Variants in EVC2 observed in about 807,000 individuals in gnomAD.
EVC2 encodes limbin.
A neutral mutation model predicts 149.3 loss-of-function variants in EVC2; 148 were observed. The ratio of observed to expected loss-of-function variants is 0.99; its 90% confidence interval spans 0.87 to 1.14. EVC2 has a LOEUF of 1.14. EVC2 is among the 50% of genes most tolerant of loss of function. The probability of loss-of-function intolerance (pLI) is 0.00; values close to 1 mark genes in which losing one functional copy is unlikely to be tolerated. For missense variants in EVC2, 1,854 were observed against 1,627.3 expected (o/e 1.14, Z -2.40); for synonymous variants, 776 against 649.9 (o/e 1.19, Z -2.95).
In EVC2 at chr4:5,595,130, T is replaced by C. The variant is rs191238107; in HGVS notation, c.2830-10280A>G. The stretch of plus-strand genomic sequence containing the variant: ...ACATGACGGGGAGAATGGAAACAAG[T>C]TGGAAAACACTCTGAAGGATATTAT... On this transcript the variant is annotated intron_variant, in intron 16 of 21. Coordinates refer to ENST00000344408, the MANE Select transcript of EVC2 (RefSeq NM_147127.5). 1.4e-4 allele frequency among the ~76,000 whole-genome samples: 21 copies of C among 152,300 alleles called. No individual in the cohort carries two copies. The East Asian group carries it at 4.1e-3, about 29-fold the overall frequency.
intron 21 of EVC2, 95 bp downstream of exon 21, chr4:5,565,163 C>A: frequency 8.5e-7 from 1 of 1,170,878 alleles, no homozygotes; most frequent in Non-Finnish European, 1.3e-6. Context: ...TTTGCAGCAA[C>A]CTCCTTTCCT....
In EVC2 at chr4:5,681,330, G is replaced by T. The variant is rs371482683; in HGVS notation, c.817-17C>A. On this transcript the variant is annotated splice_polypyrimidine_tract_variant and intron_variant, in intron 6 of 21. Coordinates refer to ENST00000344408, the MANE Select transcript of EVC2 (RefSeq NM_147127.5). Reference sequence around the variant, plus strand: ...TGTTCTGTTCTAGAAAAGGAAAAAAGAAAACACTTTCAGCAACAGTTTGGG... The same window carrying T: ...TGTTCTGTTCTAGAAAAGGAAAAAATAAAACACTTTCAGCAACAGTTTGGG... The T allele has an allele frequency of 1.9e-5, 30 of 1,614,112 alleles. No homozygotes were observed. The African/African-American group carries it at 2.8e-4, about 15-fold the overall frequency.
chr4:5,652,788 T>G (rs1391989375), intron 9 of EVC2, among the ~76,000 whole-genome samples: 1 of 152,144 alleles, frequency 6.6e-6, no homozygotes, highest in Non-Finnish European at 1.5e-5. Context: ...ACCAGAATGA[T>G]TTGAAGATAT....
At chr4:5,585,217 C>T (rs1712170446) in intron 16 of EVC2, among the ~76,000 whole-genome samples, 1 of 152,140 alleles carries the variant, frequency 6.6e-6, no homozygotes, top group African/African-American at 2.4e-5. Context: ...CAAGGTTCCC[C>T]TGGACAGGTC....
chr4:5,541,968 C>T (rs1721522583), downstream of EVC2, among the ~76,000 whole-genome samples: 1 of 152,216 alleles, frequency 6.6e-6, no homozygotes, highest in Admixed American at 6.5e-5. Context: ...GTGATGGCGT[C>T]AGGAGGTGGC....
chr4:5,630,288 G>A (rs938221123), intron 11 of EVC2, among the ~76,000 whole-genome samples: 3 of 152,170 alleles, frequency 2.0e-5, no homozygotes, highest in Non-Finnish European at 4.4e-5. Context: ...CTAGCTGCAG[G>A]TCCCCAGAGG....
chr4:5,539,513 C>T (rs1203510237), downstream of EVC2, among the ~76,000 whole-genome samples: 2 of 152,218 alleles, frequency 1.3e-5, no homozygotes, highest in East Asian at 3.9e-4. Flanking sequence ...ATATATACAT[C>T]TAACACAACC....
intron 16 of EVC2, among the ~76,000 whole-genome samples, chr4:5,609,099 G>A (rs1467758865): frequency 3.3e-5 from 5 of 152,122 alleles, no homozygotes; most frequent in East Asian, 1.9e-4. Context: ...CCAGGTTTGC[G>A]GGTTCTGTAG....
chr4:5,706,321 C>CTTAGATAGATAGATAG (rs1722132097), intron 1 of EVC2, among the ~76,000 whole-genome samples: 2 of 26,508 alleles, frequency 7.5e-5, no homozygotes, highest in African/African-American at 1.6e-4. Flanking sequence ...TAGATAGATA[C>CTTAGATAGATAGATAG]ATAGATAGAT....
At chr4:5,529,972 C>G in the EVC2 span, among the ~76,000 whole-genome samples, 3 of 152,022 alleles carry the variant, frequency 2.0e-5, no homozygotes, top group African/African-American at 7.2e-5. The surrounding 1 kb of genome is among the most constrained non-coding windows in gnomAD (Gnocchi z 4.5). Flanking sequence ...CCCACCACTA[C>G]GCCTGGCTAA....
rs554769771 is a variant in EVC2, at chr4:5,569,231, G to C, written c.3361-591C>G. Among the ~76,000 whole-genome samples the C allele has an allele frequency of 3.1e-4, 47 of 152,334 alleles. No homozygotes were observed. The highest frequency in any genetic ancestry group is 1.1e-3 in the African/African-American group (44 of 41,578). On this transcript the variant is annotated intron_variant, in intron 19 of 21. Transcript: ENST00000344408. The surrounding 1 kb of genome is among the most constrained non-coding windows in gnomAD (Gnocchi z 4.8). ...ACTGGAGAGCGGCAGTGGATGCCAG[G>C]TGTGGGGCAGGGGAGGTGGGTGTGG...
chr4:5,705,654 G>A (rs1722085490), intron 1 of EVC2, among the ~76,000 whole-genome samples: 1 of 152,086 alleles, frequency 6.6e-6, no homozygotes, highest in Non-Finnish European at 1.5e-5. Flanking sequence ...TGAGTTAATG[G>A]AAGGAGCTGG....
At chr4:5,680,195 T>C (rs1186077189) in intron 7 of EVC2, among the ~76,000 whole-genome samples, 2 of 152,198 alleles carry the variant, frequency 1.3e-5, no homozygotes, top group Admixed American at 6.5e-5. Flanking sequence ...TTATTTCGGA[T>C]TTGATCAGTG....
At position 5,625,724 on chromosome 4, in the gene EVC2, A is replaced by C. The variant is rs749774423; in HGVS notation, c.2046+25T>G. The C allele has an allele frequency of 1.3e-5, 21 of 1,613,916 alleles. No individual in the cohort carries two copies. The African/African-American group carries it at 2.7e-4, about 21-fold the overall frequency. ...GTATCAGAAAGTGCCTATGCAAAGAATAAATAGCATCATGCCTTATATACC... is the reference window on the plus strand; with the variant it reads ...GTATCAGAAAGTGCCTATGCAAAGACTAAATAGCATCATGCCTTATATACC... On this transcript the variant is annotated intron_variant, in intron 13 of 21. Transcript: ENST00000344408. This position sits in a 1 kb window ranked among gnomAD's most constrained non-coding sequence, Gnocchi z 4.0.
At chr4:5,683,846 A>ACACAGCTGCCCAGGAACACG (rs1720511721) in intron 6 of EVC2, among the ~76,000 whole-genome samples, 2 of 151,524 alleles carry the variant, frequency 1.3e-5, no homozygotes. Flanking sequence ...GAACACACAC[A>ACACAGCTGCCCAGGAACACG]CACAGCTGCC....
Position 5,576,542 on chromosome 4 carries a change from C to T in EVC2, c.3058-88G>A. 1.3e-6 allele frequency: 2 copies of T among 1,533,724 alleles called. No homozygotes were observed. The highest frequency in any genetic ancestry group is 1.2e-5 in the South Asian group (1 of 83,822). On this transcript the variant is annotated intron_variant, in intron 17 of 21. Coordinates refer to ENST00000344408, the MANE Select transcript of EVC2 (RefSeq NM_147127.5). This position sits in a 1 kb window ranked among gnomAD's most constrained non-coding sequence, Gnocchi z 4.5. ...ATCTGACCTCCTGGGTGTCTTGCTA[C>T]AAGTCTGGCATGACTCTGTCTTGCC...
upstream of EVC2, chr4:5,708,605 C>G: frequency 4.3e-6 from 4 of 937,348 alleles, no homozygotes; most frequent in Non-Finnish European, 5.8e-6. Context: ...CGAGCATGCT[C>G]AGTGCGAGCC....
In EVC2 at chr4:5,672,722, G is replaced by C. The variant is rs1240655753; in HGVS notation, c.871-7073C>G. 2.6e-5 allele frequency among the ~76,000 whole-genome samples: 4 copies of C among 152,264 alleles called. No individual in the cohort carries two copies. The Middle Eastern group carries it at 0.014, about 518-fold the overall frequency. On this transcript the variant is annotated intron_variant, in intron 7 of 21. Coordinates refer to ENST00000344408, the MANE Select transcript of EVC2 (RefSeq NM_147127.5). ...GGTATTCGAACAAAAATCTGTACTC[G>C]AATGCTCACAGCAGCACTGTTTACA...
intron 9 of EVC2, among the ~76,000 whole-genome samples, chr4:5,645,164 G>T (rs1717617961): frequency 6.6e-6 from 1 of 151,788 alleles, no homozygotes; most frequent in Non-Finnish European, 1.5e-5. Flanking sequence ...AGGCTAGCGT[G>T]AATCCATAGG....
Sources: gnomAD v4.1 joint callset for allele counts (sites outside exome capture counted in the v4.1 genomes callset) on GRCh38, gnomAD v4.1.1 for gene constraint, Gnocchi (gnomAD v3.1) non-coding constraint, MANE v1.5 for transcripts, NCBI Gene and HGNC (gene_info 2026-07-23, HGNC 2026-07-21) for gene names.